BCAR1: variants seen among roughly 807,000 people sequenced by gnomAD.
The protein encoded by BCAR1 is breast cancer anti-estrogen resistance protein 1.
A neutral mutation model predicts 67.6 loss-of-function variants in BCAR1; 30 were observed. That is an observed-to-expected ratio of 0.44 (90% CI 0.33 to 0.60). The LOEUF is 0.60. Among genes scored for constraint, BCAR1 ranks in the 20% least tolerant of loss-of-function variants. BCAR1 has a pLI of 0.02. For missense variants in BCAR1, 1,313 were observed against 1,222.3 expected, an observed-to-expected ratio of 1.07 and a Z score of -1.11; for synonymous variants, 626 against 556.7, an observed-to-expected ratio of 1.12 and a Z score of -1.75.
chr16:75,228,741 C>A lies in BCAR1; in HGVS notation c.*770G>T, dbSNP rs116990773. 3,592 of 152,436 alleles carry A rather than the reference C, an allele frequency of 0.024. 87 individuals are homozygous for A. Among genetic ancestry groups the A allele is most frequent in the Middle Eastern group, 0.11 (33 of 294 alleles). 9.4% of individuals were successfully genotyped at this position (152,436 alleles called of 1,614,324 possible). A position where few individuals can be genotyped will look rare whatever the true frequency, so the allele number is the denominator to read the frequency against. On this transcript the variant is annotated 3_prime_UTR_variant, in exon 7 of 7. Coordinates refer to ENST00000162330, the MANE Select transcript of BCAR1 (RefSeq NM_014567.5). ...TCACTGTGGCAGCTCCCTAGGGTTG[C>A]AGGGGCCATGCCCAGGCTGTGCTTT...
At chr16:75,236,649 C>A in intron 4 of BCAR1, 1 of 774,528 alleles carries the variant, frequency 1.3e-6, no homozygotes, top group Non-Finnish European at 1.9e-6. Context: ...CGGATACCCT[C>A]TCAGGAGCTC....
At chr16:75,267,605 C>A (rs771951531) in intron 1 of BCAR1, among the ~76,000 whole-genome samples, 32 of 152,116 alleles carry the variant, frequency 2.1e-4, no homozygotes, top group Non-Finnish European at 4.1e-4. Flanking sequence ...CACCCTGGCC[C>A]TCTCCTTTGC....
At chr16:75,251,649 G>C, upstream of BCAR1, 4 of 998,174 alleles carry the variant, frequency 4.0e-6, no homozygotes, top group Non-Finnish European at 4.8e-6. Context: ...TGCCGCCACG[G>C]CCCAGCCGGC....
chr16:75,260,334 G>A (rs8061356), intron 1 of BCAR1, among the ~76,000 whole-genome samples: 132,228 of 152,242 alleles, frequency 0.87, 57,904 homozygotes, highest in East Asian at 0.98. Context: ...ATGAAGGTCT[G>A]TATTAATCAA....
At chr16:75,259,462 G>A (rs1241439962) in intron 1 of BCAR1, among the ~76,000 whole-genome samples, 1 of 151,880 alleles carries the variant, frequency 6.6e-6, no homozygotes, top group Non-Finnish European at 1.5e-5. Flanking sequence ...CTCAGACTCA[G>A]ACACAGCACA....
intron 1 of BCAR1, chr16:75,265,235 G>T (rs2077979940): frequency 6.6e-6 from 1 of 152,422 alleles, no homozygotes; most frequent in Non-Finnish European, 1.5e-5. Flanking sequence ...CGCCGTGGAG[G>T]GCAGGCACGG....
At chr16:75,236,123 G>A (rs1213897928) in intron 4 of BCAR1, 137 bp from the exon 5 acceptor site, 5 of 1,134,196 alleles carry the variant, frequency 4.4e-6, no homozygotes, top group South Asian at 1.6e-5. Context: ...CACACACACA[G>A]GCACACATAC....
chr16:75,236,379 T>A, intron 4 of BCAR1: 2 of 319,824 alleles, frequency 6.3e-6, no homozygotes, highest in Non-Finnish European at 5.8e-6. Flanking sequence ...GCCACCACCA[T>A]CATATCATGA....
chr16:75,261,027 T>G (rs1278226947), intron 1 of BCAR1, among the ~76,000 whole-genome samples: 2 of 152,222 alleles, frequency 1.3e-5, no homozygotes, highest in Non-Finnish European at 1.5e-5. Context: ...CTGAAAAACC[T>G]TCCCAGCCTC....
upstream of BCAR1, among the ~76,000 whole-genome samples, chr16:75,255,160 T>C (rs1274242158): frequency 6.6e-6 from 1 of 152,118 alleles, no homozygotes; most frequent in Admixed American, 6.5e-5. Context: ...TGCAAGAAAA[T>C]GCTTACAACA....
intron 1 of BCAR1, chr16:75,249,444 C>T (rs976441563): frequency 6.6e-6 from 1 of 152,270 alleles, no homozygotes; most frequent in Non-Finnish European, 1.5e-5. Context: ...GAGGGCAGAG[C>T]CCCACCCTCT....
chr16:75,235,755 C>G lies in BCAR1; in HGVS notation c.1144G>C (p.Gly382Arg). The G allele has an allele frequency of 6.3e-7, 1 of 1,591,980 alleles. No homozygotes were observed. Among genetic ancestry groups the G allele is most frequent in the Non-Finnish European group, 8.6e-7 (1 of 1,169,210 alleles). ...YDVPPGLRRPGPGTLYDVPRE... is the reference protein window; with the variant it reads ...YDVPPGLRRPRPGTLYDVPRE... ...GGCACATCGTACAGGGTGCCCGGGCCAGGCCGCCGCAAGCCAGGGGGCACG... is the reference window on the plus strand; with the variant it reads ...GGCACATCGTACAGGGTGCCCGGGCGAGGCCGCCGCAAGCCAGGGGGCACG... The change falls in exon 5 of 7, where the codon GGC becomes CGC. Residue 382 changes from glycine to arginine, a missense_variant. By Grantham distance (125) the Gly-to-Arg change is moderately radical (BLOSUM62 -2). Around this residue, in one of 2 missense-constraint regions of BCAR1, gnomAD observed 1,272 missense variants for 1,137.5 expected, o/e 1.12. Transcript: ENST00000162330.
intron 1 of BCAR1, among the ~76,000 whole-genome samples, chr16:75,244,277 G>A (rs2077448934): frequency 6.6e-6 from 1 of 152,264 alleles, no homozygotes; most frequent in Non-Finnish European, 1.5e-5. Flanking sequence ...CAGTAGCTGT[G>A]TGACCATCCC....
intron 1 of BCAR1, chr16:75,247,431 G>T (rs1035663241): frequency 6.5e-6 from 1 of 153,240 alleles, no homozygotes; most frequent in African/African-American, 2.4e-5. Flanking sequence ...ATATCCACCC[G>T]GGCTGGGCAG....
chr16:75,234,658 G>C (rs1293581155), intron 5 of BCAR1, among the ~76,000 whole-genome samples: 1 of 152,236 alleles, frequency 6.6e-6, no homozygotes, highest in Non-Finnish European at 1.5e-5. Flanking sequence ...ACACAGAACA[G>C]CAGAGTCACC....
intron 1 of BCAR1, 151 bp downstream of exon 1, chr16:75,251,320 G>A (rs1172388321): frequency 1.8e-6 from 2 of 1,119,876 alleles, no homozygotes; most frequent in Non-Finnish European, 2.3e-6. Flanking sequence ...CGGCTTCCCG[G>A]CCAGGGCAGA....
chr16:75,231,911 C>T (rs749191861), intron 6 of BCAR1, among the ~76,000 whole-genome samples: 24 of 152,200 alleles, frequency 1.6e-4, no homozygotes, highest in Non-Finnish European at 2.5e-4. Context: ...GACGGAGTTT[C>T]GCTCTTGTTG....
rs373457055 is a variant in BCAR1 at position 75,233,773 on chromosome 16, C to T, written c.2100+73G>A. 39 of 1,478,954 alleles carry T rather than the reference C, an allele frequency of 2.6e-5. No homozygotes were observed. The African/African-American group carries it at 4.6e-4, about 17-fold the overall frequency. 91.6% of individuals were successfully genotyped at this position (1,478,954 alleles called of 1,614,324 possible). ...GAGAAGCTGGGGACCCGGGGTCGGCCCTGCAGGGCAAGAGCTGGGGGCTCA... is the reference window on the plus strand; with the variant it reads ...GAGAAGCTGGGGACCCGGGGTCGGCTCTGCAGGGCAAGAGCTGGGGGCTCA... On this transcript the variant is annotated intron_variant, in intron 6 of 6. Coordinates refer to ENST00000162330, the MANE Select transcript of BCAR1 (RefSeq NM_014567.5).
upstream of BCAR1, among the ~76,000 whole-genome samples, chr16:75,252,757 T>C (rs190875056): frequency 8.5e-4 from 129 of 152,336 alleles, no homozygotes; most frequent in African/African-American, 3.0e-3. Context: ...CAGGTGGGCC[T>C]GCAGCTGCCC....
Sources: gnomAD v4.1 joint callset for allele counts (sites outside exome capture counted in the v4.1 genomes callset) on GRCh38, gnomAD v4.1.1 for gene constraint, gnomAD v4.1.1 regional missense constraint, MANE v1.5 for transcripts, NCBI Gene and HGNC (gene_info 2026-07-23, HGNC 2026-07-21) for gene names.